The following RNASEH1 variants were observed in gnomAD, a reference collection of about 807,000 sequenced individuals.
RNASEH1 encodes the protein ribonuclease H type II.
In RNASEH1, 27 loss-of-function variants were observed where a neutral mutation model predicts 34.6. The observed-to-expected ratio is 0.78, with a 90% CI of 0.58 to 1.08. The LOEUF is 1.08. RNASEH1 is among the 50% of genes least tolerant of loss of function. RNASEH1 has a pLI of 0.00. For synonymous variants in RNASEH1, 162 were observed against 138.4 expected (o/e 1.17, Z -1.20); for missense variants, 349 against 373.6 (o/e 0.93, Z 0.54).
At chr2:3,546,035 T>G (rs1668717438) in intron 7 of RNASEH1, among the ~76,000 whole-genome samples, 164 bp from the exon 8 acceptor site, 1 of 152,276 alleles carries the variant, frequency 6.6e-6, no homozygotes, top group Non-Finnish European at 1.5e-5. Flanking sequence ...CTGTCCATTC[T>G]TCATGCGTTT....
At chr2:3,557,991 G>T in intron 1 of RNASEH1, 142 bp downstream of exon 1, 1 of 1,488,246 alleles carries the variant, frequency 6.7e-7, no homozygotes, top group Non-Finnish European at 9.0e-7. Flanking sequence ...GCAGGAAAAC[G>T]AGGCGGTCCC....
downstream of RNASEH1, among the ~76,000 whole-genome samples, chr2:3,538,613 T>G (rs190774850): frequency 5.5e-3 from 835 of 152,294 alleles, 6 homozygotes; most frequent in African/African-American, 0.019. Context: ...TGGGTACTTA[T>G]GGGGTCTGTC....
intron 2 of RNASEH1, among the ~76,000 whole-genome samples, chr2:3,555,566 G>A (rs370603317): frequency 3.1e-4 from 47 of 152,282 alleles, no homozygotes; most frequent in South Asian, 1.5e-3. Flanking sequence ...GGATTGTTAC[G>A]ATGATTCGAA....
At chr2:3,556,638 T>C (rs1468613231) in intron 2 of RNASEH1, 151 bp downstream of exon 2, 1 of 607,718 alleles carries the variant, frequency 1.6e-6, no homozygotes, top group African/African-American at 1.9e-5. Flanking sequence ...TATTTGTAAC[T>C]GCTTTCAGTC....
chr2:3,536,186 C>T, the RNASEH1 span, among the ~76,000 whole-genome samples: 2 of 152,238 alleles, frequency 1.3e-5, no homozygotes, highest in African/African-American at 4.8e-5. Context: ...ATACTAATTT[C>T]ATTGCACTCA....
intron 2 of RNASEH1, 67 bp from the exon 3 acceptor site, chr2:3,552,375 G>A: frequency 1.4e-6 from 2 of 1,447,864 alleles, no homozygotes; most frequent in Non-Finnish European, 1.9e-6. Flanking sequence ...AGAGAATGAA[G>A]ACATTCAGTA....
rs376458512 is a variant in RNASEH1, at chr2:3,558,294, C to A, written c.-34G>T. On this transcript the variant is annotated 5_prime_UTR_variant, in exon 1 of 8. Transcript: ENST00000315212. ...CCCGGCACCGGGAAGCATTTCGACT[C>A]CCGGCCCAGCGTGGGCGCGAGCCGC... The A allele has an allele frequency of 1.3e-6, 2 of 1,509,024 alleles. No individual in the cohort carries two copies. The highest frequency in any genetic ancestry group is 2.6e-5 in the South Asian group (2 of 78,010). 93.5% of individuals were successfully genotyped at this position (1,509,024 alleles called of 1,614,324 possible).
downstream of RNASEH1, among the ~76,000 whole-genome samples, chr2:3,538,340 A>C (rs982827747): frequency 7.9e-5 from 12 of 151,778 alleles, no homozygotes; most frequent in African/African-American, 2.9e-4. Context: ...CAACAAGAGC[A>C]AAACTCCATC....
rs1668535120 is a variant in RNASEH1, at chr2:3,544,157, C to A, written c.*1628G>T. ...AATGAGAATACCACCATTTTGCAAC[C>A]CCAAATAATTAATGGATCTTGGCAC... On this transcript the variant is annotated 3_prime_UTR_variant, in exon 8 of 8. Transcript: ENST00000315212. Among the ~76,000 whole-genome samples the A allele has an allele frequency of 6.6e-6, 1 of 152,090 alleles. No homozygotes were observed. The highest frequency in any genetic ancestry group is 6.6e-5 in the Admixed American group (1 of 15,264).
In RNASEH1 at chr2:3,556,779, A is replaced by G. The variant is rs767263727; in HGVS notation, c.244+10T>C. 22 of 1,574,544 alleles carry G rather than the reference A, an allele frequency of 1.4e-5. No individual in the cohort carries two copies. The highest frequency in any genetic ancestry group is 1.7e-4 in the Middle Eastern group (1 of 5,990). On this transcript the variant is annotated intron_variant, in intron 2 of 7. Coordinates refer to ENST00000315212, the MANE Select transcript of RNASEH1 (RefSeq NM_002936.6). ...GGTTAAAATGTCACACTGATATGAG[A>G]GGTGACTACCTTCTGAAACTTCCGG...
the RNASEH1 span, among the ~76,000 whole-genome samples, chr2:3,535,313 G>A: frequency 6.6e-6 from 1 of 151,568 alleles, no homozygotes; most frequent in Non-Finnish European, 1.5e-5. Flanking sequence ...CTAGTCCCCA[G>A]CTACTTGGGA....
chr2:3,541,611 C>A lies in RNASEH1; in HGVS notation c.*4174G>T, dbSNP rs1572275500. On this transcript the variant is annotated 3_prime_UTR_variant, in exon 8 of 8. Coordinates refer to ENST00000315212, the MANE Select transcript of RNASEH1 (RefSeq NM_002936.6). ...TATGCTGAGTAGAAGCACCTCCCCC[C>A]ACAGTACTTGCTCTGCGATTCCACT... 6.6e-6 allele frequency among the ~76,000 whole-genome samples: 1 copy of A among 152,302 alleles called. No homozygotes were observed. Among genetic ancestry groups the A allele is most frequent in the South Asian group, 2.1e-4 (1 of 4,828 alleles).
intron 1 of RNASEH1, among the ~76,000 whole-genome samples, chr2:3,557,375 C>G (rs1039975007): frequency 3.9e-5 from 6 of 152,188 alleles, no homozygotes; most frequent in African/African-American, 1.4e-4. Context: ...AGCCAGCCAG[C>G]ACACCAGCAC....
rs373978046 is a variant in RNASEH1, at chr2:3,551,029, G to A, written c.410-557C>T. On this transcript the variant is annotated intron_variant, in intron 3 of 7. Coordinates refer to ENST00000315212, the MANE Select transcript of RNASEH1 (RefSeq NM_002936.6). The stretch of plus-strand genomic sequence containing the variant: ...AAGAACAAGGTAAAAAAGGACTGAC[G>A]GGGGCATTCTCAGGCCACTGGTGAC... 3.1e-4 allele frequency among the ~76,000 whole-genome samples: 47 copies of A among 152,332 alleles called. 2 individuals are homozygous for A. In the South Asian group the frequency reaches 5.4e-3, roughly 17 times the overall value.
rs149967876 is a variant in RNASEH1, at chr2:3,553,341, T to C, written c.245-1033A>G. Among the ~76,000 whole-genome samples the C allele has an allele frequency of 3.6e-3, 544 of 151,858 alleles. 4 individuals are homozygous for C. The highest frequency in any genetic ancestry group is 0.013 in the African/African-American group (533 of 41,452). ...TTGCAGCTTTTCTTTTGCAACAAAGTTTTTCTTCTGCAACGAAGTTTTTCT... is the reference window on the plus strand; with the variant it reads ...TTGCAGCTTTTCTTTTGCAACAAAGCTTTTCTTCTGCAACGAAGTTTTTCT... On this transcript the variant is annotated intron_variant, in intron 2 of 7. Coordinates refer to ENST00000315212, the MANE Select transcript of RNASEH1 (RefSeq NM_002936.6).
intron 2 of RNASEH1, 139 bp from the exon 3 acceptor site, chr2:3,552,447 G>A: frequency 1.3e-6 from 1 of 746,756 alleles, no homozygotes; most frequent in Non-Finnish European, 2.0e-6. Context: ...CTACAACGAG[G>A]GAAACGAGGG....
chr2:3,533,559 T>G, the RNASEH1 span: 2 of 152,250 alleles, frequency 1.3e-5, no homozygotes, highest in African/African-American at 4.8e-5. Flanking sequence ...TTGCAATGTT[T>G]ATGGGGAGAG....
At chr2:3,547,806 C>T (rs983106463) in intron 7 of RNASEH1, 125 bp downstream of exon 7, 1 of 970,092 alleles carries the variant, frequency 1.0e-6, no homozygotes, top group Non-Finnish European at 1.6e-6. Flanking sequence ...TTGTAATATA[C>T]ATTATGATAT....
In RNASEH1 at chr2:3,552,683, G is replaced by A. The variant is rs144689860; in HGVS notation, c.245-375C>T. Among the ~76,000 whole-genome samples the A allele has an allele frequency of 4.0e-3, 611 of 151,100 alleles. 6 individuals carry two copies. Among genetic ancestry groups the A allele is most frequent in the African/African-American group, 0.014 (565 of 41,226 alleles). ...GGGGCTCTTTCTCCAGGAAAAACAT[G>A]GCCCAAAATTGTGTATATAACATCA... On this transcript the variant is annotated intron_variant, in intron 2 of 7. Transcript: ENST00000315212.
Sources: gnomAD v4.1 joint callset for allele counts (sites outside exome capture counted in the v4.1 genomes callset) on GRCh38, gnomAD v4.1.1 for gene constraint, MANE v1.5 for transcripts, NCBI Gene and HGNC (gene_info 2026-07-23, HGNC 2026-07-21) for gene names.